The following BOC variants were observed in gnomAD, a reference collection of about 807,000 sequenced individuals.
The protein encoded by BOC is brother of CDO.
BOC carries 76 observed loss-of-function variants against 112.0 expected under a neutral mutation model. The ratio of observed to expected loss-of-function variants is 0.68; its 90% CI spans 0.56 to 0.82. BOC has a LOEUF of 0.82. Ranked by LOEUF, BOC falls within the 40% of genes least tolerant of loss-of-function variation. BOC has a pLI of 0.00. For missense variants in BOC, 1,309 were observed against 1,511.7 expected (o/e 0.87, Z 2.22); for synonymous variants, 580 against 599.8 (o/e 0.97, Z 0.48).
At chr3:113,215,240 C>T (rs1400066353) in intron 1 of BOC, among the ~76,000 whole-genome samples, 9 of 152,050 alleles carry the variant, frequency 5.9e-5, no homozygotes, top group Admixed American at 6.5e-5. Flanking sequence ...TCTATAAACC[C>T]GTGTTTATGA....
intron 15 of BOC, among the ~76,000 whole-genome samples, chr3:113,282,248 G>C (rs1949267027): frequency 2.0e-5 from 3 of 152,194 alleles, no homozygotes; most frequent in Admixed American, 6.5e-5. Flanking sequence ...TGTCTGCTGA[G>C]ATGGGTCACT....
chr3:113,220,743 G>A (rs1234660790), intron 2 of BOC, among the ~76,000 whole-genome samples: 3 of 152,202 alleles, frequency 2.0e-5, no homozygotes, highest in African/African-American at 7.2e-5. Context: ...GATCCCTCCA[G>A]ACAAGCTGCC....
At chr3:113,230,777 A>C (rs896201736) in intron 2 of BOC, among the ~76,000 whole-genome samples, 5 of 152,246 alleles carry the variant, frequency 3.3e-5, no homozygotes, top group African/African-American at 1.2e-4. Flanking sequence ...TGTATTTACA[A>C]ATCAGTAGGA....
In BOC at chr3:113,279,256, A is replaced by G. The variant is rs1948960735; in HGVS notation, c.1824A>G (p.Glu608=). 3 of 1,612,962 alleles carry G rather than the reference A, an allele frequency of 1.9e-6. No homozygotes were observed. The highest frequency in any genetic ancestry group is 1.7e-6 in the Non-Finnish European group (2 of 1,179,328). ...QPDHGRLSPP[E]APDRPTISTA... ...GGATACGGTCTTTCCCAGCCCCAGA[A>G]GCTCCCGACAGGCCCACCATCTCCA... The change falls in exon 12 of 20, where the codon GAA becomes GAG. Residue 608 remains glutamate (E), a synonymous_variant. Transcript: ENST00000682979.
In BOC at chr3:113,233,151, GT is replaced by G. The variant is rs1559816852; in HGVS notation, c.-81-16570del. On this transcript the variant is annotated intron_variant, in intron 2 of 19. Transcript: ENST00000682979. ...GCATGAGCATGTAAAGGATTGGGGT[GT>G]GTGTGTGTGTGTGTGTGTGTGTGTG... is the stretch of plus-strand genomic sequence containing the variant. Among the ~76,000 whole-genome samples the G allele has an allele frequency of 1.0e-3, 82 of 81,306 alleles. 1 individual carries two copies. Among genetic ancestry groups the G allele is most frequent in the African/African-American group, 3.5e-3 (53 of 14,970 alleles). 53.3% of individuals were successfully genotyped at this position (81,306 alleles called of 152,430 possible).
In BOC at chr3:113,278,909, C is replaced by T. The variant is rs918661895; in HGVS notation, c.1816+126C>T. On this transcript the variant is annotated intron_variant, in intron 11 of 19. Transcript: ENST00000682979. The surrounding 1 kb of genome is among the most constrained non-coding windows in gnomAD (Gnocchi z 4.2). ...GTTTTTATGACATCTCCCAGTTAAC[C>T]ACAATGAGGAAATGTAGTTTGGAGC... 1 of 787,076 alleles carries T rather than the reference C, an allele frequency of 1.3e-6. No homozygotes were observed. The highest frequency in any genetic ancestry group is 1.8e-5 in the African/African-American group (1 of 57,096). 48.8% of individuals were successfully genotyped at this position (787,076 alleles called of 1,614,324 possible).
chr3:113,230,291 G>A (rs935645179), intron 2 of BOC, among the ~76,000 whole-genome samples: 3 of 152,226 alleles, frequency 2.0e-5, no homozygotes, highest in South Asian at 2.1e-4. Context: ...TCAGGAGTAC[G>A]TATGCAGAGT....
intron 2 of BOC, among the ~76,000 whole-genome samples, chr3:113,222,034 C>G (rs916387641): frequency 6.6e-6 from 1 of 152,202 alleles, no homozygotes; most frequent in African/African-American, 2.4e-5. Context: ...TTCAATCAGG[C>G]CCCCTGCTTT....
chr3:113,276,341 C>T (rs1948670054), intron 9 of BOC, among the ~76,000 whole-genome samples: 1 of 152,168 alleles, frequency 6.6e-6, no homozygotes. Flanking sequence ...AATTACCCTT[C>T]TATTTCTTAT....
chr3:113,244,357 A>G (rs1291872417), intron 2 of BOC, among the ~76,000 whole-genome samples: 1 of 152,170 alleles, frequency 6.6e-6, no homozygotes, highest in Non-Finnish European at 1.5e-5. Flanking sequence ...TTAACAGAAG[A>G]CTCATTCACA....
intron 2 of BOC, among the ~76,000 whole-genome samples, chr3:113,226,510 G>A (rs1232826972): frequency 6.6e-6 from 1 of 152,182 alleles, no homozygotes; most frequent in Non-Finnish European, 1.5e-5. Context: ...TAATAACTAA[G>A]TTCCAGATCC....
At position 113,279,930 on chromosome 3, in the gene BOC, C is replaced by CGA; in HGVS notation, c.2134_2135dup (p.Pro713GlyfsTer94). On this transcript the variant is annotated frameshift_variant, in exon 13 of 20. Transcript: ENST00000682979. LOFTEE classifies it high-confidence loss of function. ...TGTCGGGCTACAGCGGTCGCGTGTA[C>CGA]GAGAGGCCCGTGGCAGGTCCTTATA... The CGA allele has an allele frequency of 6.2e-7, 1 of 1,613,954 alleles. No individual in the cohort carries two copies. Among genetic ancestry groups the CGA allele is most frequent in the Non-Finnish European group, 8.5e-7 (1 of 1,179,958 alleles).
At chr3:113,270,683 A>G (rs1387276533) in intron 5 of BOC, 118 bp from the exon 6 acceptor site, 35 of 1,198,504 alleles carry the variant, frequency 2.9e-5, no homozygotes, top group Non-Finnish European at 1.2e-6. Flanking sequence ...GGTGGACATC[A>G]GCTCCTAGTG....
chr3:113,262,986 C>A (rs544432497), intron 4 of BOC, among the ~76,000 whole-genome samples: 5 of 152,236 alleles, frequency 3.3e-5, no homozygotes, highest in Non-Finnish European at 4.4e-5. Context: ...ACTTCTCCTG[C>A]ACCTCGGGTG....
chr3:113,248,896 T>C (rs949673005), intron 2 of BOC, among the ~76,000 whole-genome samples: 2 of 152,126 alleles, frequency 1.3e-5, no homozygotes, highest in Non-Finnish European at 2.9e-5. Flanking sequence ...AGATACAACT[T>C]GGGTAATCAA....
At chr3:113,259,089 C>G (rs973313198) in intron 4 of BOC, among the ~76,000 whole-genome samples, 1 of 152,168 alleles carries the variant, frequency 6.6e-6, no homozygotes, top group African/African-American at 2.4e-5. Context: ...CCAGACAGAT[C>G]CGTGGTGTAA....
In BOC at chr3:113,213,984, C is replaced by G. The variant is rs551262082; in HGVS notation, c.-170+1968C>G. On this transcript the variant is annotated intron_variant, in intron 1 of 19. Coordinates refer to ENST00000682979, the MANE Select transcript of BOC (RefSeq NM_001378074.1). ...AGGATTGAGACCTCAGACACTGTCT[C>G]TTTTATCCTCTATCGAGATACTTCA... Among the ~76,000 whole-genome samples, 402 of 152,208 alleles carry G rather than the reference C, an allele frequency of 2.6e-3. 8 individuals are homozygous for G. Among genetic ancestry groups the G allele is most frequent in the Admixed American group, 5.0e-3 (77 of 15,286 alleles).
At position 113,272,572 on chromosome 3, in the gene BOC, C is replaced by G. The variant is rs146920642; in HGVS notation, c.830C>G (p.Thr277Arg). 1 of 1,614,068 alleles carries G rather than the reference C, an allele frequency of 6.2e-7. No individual in the cohort carries two copies. The highest frequency in any genetic ancestry group is 1.3e-5 in the African/African-American group (1 of 75,014). Residue 277 changes from threonine (T) to arginine (R), a missense_variant, in exon 7 of 20, where the codon ACG (threonine) becomes AGG (arginine). Coordinates refer to ENST00000682979, the MANE Select transcript of BOC (RefSeq NM_001378074.1). ...DGSSVTGYNKTRFLLSNLLID... is the reference protein window; with the variant it reads ...DGSSVTGYNKRRFLLSNLLID... ...TCCAGTGTCACCGGCTACAACAAGACGCGCTTCCTGCTGAGCAACCTCCTC... is the reference window on the plus strand; with the variant it reads ...TCCAGTGTCACCGGCTACAACAAGAGGCGCTTCCTGCTGAGCAACCTCCTC...
Position 113,274,794 on chromosome 3 carries a change from T to A in BOC, c.1542+112T>A. On this transcript the variant is annotated intron_variant, in intron 9 of 19. Coordinates refer to ENST00000682979, the MANE Select transcript of BOC (RefSeq NM_001378074.1). This position sits in a 1 kb window ranked among gnomAD's most constrained non-coding sequence, Gnocchi z 4.8. ...CTTGAGCTCCTGAAGCCTGAGCCGGTAATCCCCACCACTAAACAGGCCCTT... is the reference window on the plus strand; with the variant it reads ...CTTGAGCTCCTGAAGCCTGAGCCGGAAATCCCCACCACTAAACAGGCCCTT... 1 of 1,120,838 alleles carries A rather than the reference T, an allele frequency of 8.9e-7. No individual in the cohort carries two copies. Among genetic ancestry groups the A allele is most frequent in the South Asian group, 1.7e-5 (1 of 60,170 alleles). The allele number at this position is 1,120,838 out of a possible 1,614,324, so 69.4% of individuals were successfully genotyped here.
Sources: gnomAD v4.1 joint callset for allele counts (sites outside exome capture counted in the v4.1 genomes callset) on GRCh38, gnomAD v4.1.1 for gene constraint, Gnocchi (gnomAD v3.1) non-coding constraint, MANE v1.5 for transcripts, NCBI Gene and HGNC (gene_info 2026-07-23, HGNC 2026-07-21) for gene names.